Variants in GLIS1 observed in about 807,000 individuals in gnomAD.
GLIS1 encodes the protein zinc finger protein GLIS1.
A neutral mutation model predicts 63.8 loss-of-function variants in GLIS1; 24 were observed. The observed-to-expected ratio is 0.38, with a 90% CI of 0.27 to 0.53. GLIS1 has a LOEUF of 0.53. Ranked by LOEUF, GLIS1 falls within the 20% of genes least tolerant of loss-of-function variation. GLIS1 has a pLI of 0.85. For missense variants in GLIS1, 1,036 were observed against 1,074.1 expected (o/e 0.96, Z 0.50); for synonymous variants, 450 against 482.5 (o/e 0.93, Z 0.88).
chr1:53,727,315 C>G (rs1010291474), intron 2 of GLIS1, among the ~76,000 whole-genome samples: 2 of 152,232 alleles, frequency 1.3e-5, no homozygotes, highest in African/African-American at 2.4e-5. Flanking sequence ...AATACATCCC[C>G]CAGGGGCTCT....
intron 4 of GLIS1, among the ~76,000 whole-genome samples, chr1:53,552,021 G>A (rs1286021882): frequency 6.6e-6 from 1 of 151,870 alleles, no homozygotes; most frequent in Non-Finnish European, 1.5e-5. Flanking sequence ...AACAAACTCT[G>A]CAACCATACA....
chr1:53,605,740 GC>G (rs34849642), intron 2 of GLIS1, among the ~76,000 whole-genome samples: 4 of 152,174 alleles, frequency 2.6e-5, no homozygotes, highest in African/African-American at 9.7e-5. Context: ...GAAAACAGGG[GC>G]CCGGATTGAA....
chr1:53,582,914 G>A (rs1645099783), intron 4 of GLIS1, among the ~76,000 whole-genome samples: 1 of 152,176 alleles, frequency 6.6e-6, no homozygotes, highest in African/African-American at 2.4e-5. Flanking sequence ...GGTAGAAGGG[G>A]TACTGGGGAT....
chr1:53,627,189 C>A (rs1300161630), intron 2 of GLIS1, among the ~76,000 whole-genome samples: 1 of 152,154 alleles, frequency 6.6e-6, no homozygotes, highest in Non-Finnish European at 1.5e-5. Context: ...AAGAGCTGAA[C>A]GCTAGGTAGT....
chr1:53,571,994 A>G (rs975304129), intron 4 of GLIS1, among the ~76,000 whole-genome samples: 1 of 152,254 alleles, frequency 6.6e-6, no homozygotes, highest in African/African-American at 2.4e-5. Flanking sequence ...TTAAGGATAC[A>G]TATGTGTGAT....
At chr1:53,568,187 G>A (rs185354499) in intron 4 of GLIS1, among the ~76,000 whole-genome samples, 14 of 152,340 alleles carry the variant, frequency 9.2e-5, no homozygotes, top group Non-Finnish European at 1.6e-4. Flanking sequence ...GCATGCCCTG[G>A]ATGTGAGACA....
intron 2 of GLIS1, among the ~76,000 whole-genome samples, chr1:53,662,513 G>A (rs530369177): frequency 6.6e-6 from 1 of 152,272 alleles, no homozygotes; most frequent in African/African-American, 2.4e-5. Context: ...ATCTCCTGCT[G>A]TGGGGACCCC....
chr1:53,575,175 G>A (rs949026711), intron 4 of GLIS1, among the ~76,000 whole-genome samples: 2 of 152,124 alleles, frequency 1.3e-5, no homozygotes, highest in African/African-American at 4.8e-5. Flanking sequence ...CAAGAACGGA[G>A]CACAGATTGC....
Position 53,721,494 on chromosome 1 carries a change from C to CA in GLIS1, c.259+16311dup, listed in dbSNP as rs112247642. Among the ~76,000 whole-genome samples, 1,126 of 146,410 alleles carry CA rather than the reference C, an allele frequency of 7.7e-3. 12 individuals carry two copies. The highest frequency in any genetic ancestry group is 0.018 in the African/African-American group (734 of 40,112). On this transcript the variant is annotated intron_variant, in intron 2 of 10. Coordinates refer to ENST00000628545, the MANE Select transcript of GLIS1 (RefSeq NM_001367484.1). ...AACTGAGGTGTACAGAAGAAAATGC[C>CA]AAAAAAAAAAATGACTGAGTTGAAG...
At chr1:53,721,085 A>C (rs1308605023) in intron 2 of GLIS1, among the ~76,000 whole-genome samples, 6 of 152,110 alleles carry the variant, frequency 3.9e-5, no homozygotes, top group Non-Finnish European at 8.8e-5. Context: ...ACTTTTTTAT[A>C]AAATACATTT....
At chr1:53,515,711 C>T (rs1226206333) in intron 7 of GLIS1, among the ~76,000 whole-genome samples, 1 of 150,546 alleles carries the variant, frequency 6.6e-6, no homozygotes, top group Non-Finnish European at 1.5e-5. Flanking sequence ...AAAATGCCTT[C>T]ACCAAGAAAC....
chr1:53,632,720 AG>A (rs1356270724), intron 2 of GLIS1, among the ~76,000 whole-genome samples: 2 of 136,248 alleles, frequency 1.5e-5, no homozygotes, highest in African/African-American at 5.6e-5. Context: ...AGTGTGACTG[AG>A]GGGCATGTAT....
intron 2 of GLIS1, among the ~76,000 whole-genome samples, chr1:53,623,504 A>G (rs1292053288): frequency 2.6e-5 from 4 of 152,204 alleles, no homozygotes; most frequent in Non-Finnish European, 5.9e-5. Flanking sequence ...CGCACTCACT[A>G]CTTCTATTTA....
intron 4 of GLIS1, among the ~76,000 whole-genome samples, chr1:53,555,955 G>A (rs1162486913): frequency 1.3e-4 from 17 of 126,212 alleles, no homozygotes; most frequent in African/African-American, 4.5e-4. Flanking sequence ...GTGTACTGCA[G>A]GTATGTGTGT....
At chr1:53,570,549 C>CA (rs1644975164) in intron 4 of GLIS1, among the ~76,000 whole-genome samples, 2 of 152,064 alleles carry the variant, frequency 1.3e-5, no homozygotes, top group Admixed American at 1.3e-4. Context: ...TAGATACTAG[C>CA]AAAAACTTTT....
intron 2 of GLIS1, among the ~76,000 whole-genome samples, chr1:53,699,898 C>T (rs967841601): frequency 2.0e-5 from 3 of 152,198 alleles, no homozygotes; most frequent in Admixed American, 6.5e-5. Context: ...TTCCCAAAGG[C>T]CCCATCTCCA....
At chr1:53,656,763 A>C (rs1389830221) in intron 2 of GLIS1, among the ~76,000 whole-genome samples, 1 of 152,192 alleles carries the variant, frequency 6.6e-6, no homozygotes, top group East Asian at 1.9e-4. Context: ...GAGGCTGATA[A>C]AGGTGGGCGT....
intron 7 of GLIS1, among the ~76,000 whole-genome samples, chr1:53,518,192 C>A (rs965369215): frequency 6.6e-6 from 1 of 152,170 alleles, no homozygotes; most frequent in Non-Finnish European, 1.5e-5. Flanking sequence ...GGAAGCAGCT[C>A]GAGGACAGGG....
intron 4 of GLIS1, among the ~76,000 whole-genome samples, chr1:53,587,035 C>A (rs1645143239): frequency 1.3e-5 from 2 of 152,112 alleles, no homozygotes; most frequent in Admixed American, 1.3e-4. Context: ...AAGGAGGGAG[C>A]ACTGAACTGA....
Sources: allele counts gnomAD v4.1 joint callset (sites outside exome capture counted in the v4.1 genomes callset), GRCh38; gene constraint gnomAD v4.1.1; transcripts MANE v1.5; gene names NCBI Gene and HGNC (gene_info 2026-07-23, HGNC 2026-07-21).